The following CIMAP2 variants were observed in gnomAD, a reference collection of about 807,000 sequenced individuals.
CIMAP2 encodes the protein ciliary microtubule associated protein 2.
chr1:54,814,122 T>C, the CIMAP2 span: 1 of 1,050,660 alleles, frequency 9.5e-7, no homozygotes, highest in Non-Finnish European at 1.3e-6. Context: ...TCTGGAACAT[T>C]GGGACACTTT....
the CIMAP2 span, among the ~76,000 whole-genome samples, chr1:54,835,716 C>A: frequency 6.6e-6 from 1 of 152,098 alleles, no homozygotes; most frequent in Non-Finnish European, 1.5e-5. Flanking sequence ...GAGAATCAGA[C>A]AGCAGTCTGG....
the CIMAP2 span, among the ~76,000 whole-genome samples, chr1:54,832,037 G>T: frequency 8.8e-3 from 1,342 of 152,280 alleles, 21 homozygotes; most frequent in African/African-American, 0.031. Flanking sequence ...TGTAGATGGG[G>T]TTTCACCATG....
the CIMAP2 span, among the ~76,000 whole-genome samples, chr1:54,831,221 A>G: frequency 6.6e-6 from 1 of 152,364 alleles, no homozygotes; most frequent in East Asian, 1.9e-4. Context: ...TCCTCTATGT[A>G]GTCAACCAGT....
chr1:54,806,474 A>G, the CIMAP2 span, among the ~76,000 whole-genome samples: 5 of 152,252 alleles, frequency 3.3e-5, no homozygotes, highest in African/African-American at 7.2e-5. Flanking sequence ...TTTCAAGAGC[A>G]CTTACTATGT....
the CIMAP2 span, chr1:54,812,087 C>A: frequency 1.2e-6 from 2 of 1,614,216 alleles, no homozygotes; most frequent in Non-Finnish European, 1.7e-6. Context: ...TCAAAAGCGA[C>A]CTTGAGACAT....
At chr1:54,811,782 C>T in the CIMAP2 span, 6 of 1,205,978 alleles carry the variant, frequency 5.0e-6, 1 homozygote, top group South Asian at 2.5e-5. Context: ...TGCCCCCACC[C>T]CCGCCCCACA....
the CIMAP2 span, among the ~76,000 whole-genome samples, chr1:54,816,739 A>G: frequency 1.3e-5 from 2 of 152,186 alleles, no homozygotes; most frequent in South Asian, 2.1e-4. Context: ...TCACATTGGA[A>G]GAAGGGCCCA....
At chr1:54,811,767 C>CGGGGGGGGGGGCGG in the CIMAP2 span, 2 of 1,088,168 alleles carry the variant, frequency 1.8e-6, no homozygotes, top group African/African-American at 1.6e-5. Context: ...TTCTGACAGC[C>CGGGGGGGGGGGCGG]TCCATGCCCC....
At chr1:54,839,797 C>G in the CIMAP2 span, among the ~76,000 whole-genome samples, 5 of 152,114 alleles carry the variant, frequency 3.3e-5, no homozygotes, top group Non-Finnish European at 7.3e-5. Context: ...GTCACCCAAG[C>G]TAGAGCACAG....
chr1:54,806,819 G>T, the CIMAP2 span, among the ~76,000 whole-genome samples: 1 of 151,320 alleles, frequency 6.6e-6, no homozygotes, highest in Non-Finnish European at 1.5e-5. Flanking sequence ...GGGTGGGGTG[G>T]GGTGGGGTGG....
the CIMAP2 span, chr1:54,811,766 C>CCGGGGGGGGCGG: frequency 1.5e-6 from 2 of 1,305,190 alleles, no homozygotes; most frequent in Non-Finnish European, 2.2e-6. Context: ...GTTCTGACAG[C>CCGGGGGGGGCGG]CTCCATGCCC....
chr1:54,838,436 C>T, the CIMAP2 span, among the ~76,000 whole-genome samples: 1 of 151,900 alleles, frequency 6.6e-6, no homozygotes, highest in East Asian at 1.9e-4. Context: ...GAGCTGAGAT[C>T]CCGCCACTGC....
At chr1:54,815,354 C>T in the CIMAP2 span, among the ~76,000 whole-genome samples, 1 of 152,180 alleles carries the variant, frequency 6.6e-6, no homozygotes, top group African/African-American at 2.4e-5. Flanking sequence ...CAGGTGATGG[C>T]GATGATGCTA....
chr1:54,833,994 C>A, the CIMAP2 span, among the ~76,000 whole-genome samples: 2 of 152,158 alleles, frequency 1.3e-5, no homozygotes, highest in African/African-American at 4.8e-5. Flanking sequence ...TGCATCACCA[C>A]AGCCGGCTAA....
the CIMAP2 span, among the ~76,000 whole-genome samples, chr1:54,828,562 G>A: frequency 6.6e-6 from 1 of 152,068 alleles, no homozygotes; most frequent in Non-Finnish European, 1.5e-5. Flanking sequence ...AAACTCCTGG[G>A]CTCAAGTGAT....
the CIMAP2 span, among the ~76,000 whole-genome samples, chr1:54,813,286 A>G: frequency 6.6e-6 from 1 of 152,102 alleles, no homozygotes; most frequent in Non-Finnish European, 1.5e-5. Context: ...TGTTTGCTGC[A>G]GTTGAAGAAC....
chr1:54,820,960 G>A, the CIMAP2 span, among the ~76,000 whole-genome samples: 29,936 of 151,882 alleles, frequency 0.2, 3,040 homozygotes, highest in East Asian at 0.33. Flanking sequence ...GTAGAGACGG[G>A]GTTTCACCAT....
the CIMAP2 span, among the ~76,000 whole-genome samples, chr1:54,826,844 A>G: frequency 6.6e-6 from 1 of 151,986 alleles, no homozygotes; most frequent in Admixed American, 6.5e-5. Flanking sequence ...GTGTTCTCTC[A>G]TTTGCTACAT....
the CIMAP2 span, among the ~76,000 whole-genome samples, chr1:54,811,090 A>G: frequency 2.6e-5 from 4 of 152,080 alleles, no homozygotes; most frequent in African/African-American, 9.7e-5. Context: ...CATCGTCATT[A>G]CCTGGAAGAC....
Sources: gnomAD v4.1 joint callset for allele counts (sites outside exome capture counted in the v4.1 genomes callset) on GRCh38, gnomAD v4.1.1 for gene constraint, MANE v1.5 for transcripts, NCBI Gene and HGNC (gene_info 2026-07-23, HGNC 2026-07-21) for gene names.